The following PPP2R2C variants were observed in gnomAD, a reference collection of about 807,000 sequenced individuals.
PPP2R2C encodes the protein protein phosphatase 2 regulatory subunit Bgamma.
A neutral mutation model predicts 45.3 loss-of-function variants in PPP2R2C; 10 were observed. The ratio of observed to expected loss-of-function variants is 0.22; its 90% confidence interval spans 0.14 to 0.37. PPP2R2C has a LOEUF of 0.37. PPP2R2C is among the 10% of genes least tolerant of loss of function. PPP2R2C has a pLI of 1.00. For missense variants in PPP2R2C, 308 were observed against 619.7 expected, an observed-to-expected ratio of 0.50 and a Z score of 5.34; for synonymous variants, 257 against 245.4, an observed-to-expected ratio of 1.05 and a Z score of -0.44.
chr4:6,498,021 C>T (rs140326111), intron 2 of PPP2R2C, among the ~76,000 whole-genome samples: 84 of 152,328 alleles, frequency 5.5e-4, no homozygotes, highest in African/African-American at 1.7e-3. Context: ...GGTGCCAGTA[C>T]ATACAGTAAA....
intron 1 of PPP2R2C, chr4:6,382,358 C>T: frequency 3.8e-6 from 5 of 1,330,572 alleles, no homozygotes; most frequent in Non-Finnish European, 4.9e-6. Context: ...AAACCAGCCA[C>T]AGATCTGACC....
intron 1 of PPP2R2C, among the ~76,000 whole-genome samples, chr4:6,400,287 G>A (rs971838611): frequency 6.6e-6 from 1 of 152,010 alleles, no homozygotes; most frequent in African/African-American, 2.4e-5. Flanking sequence ...TTAAGCTAGA[G>A]ATTAAAGAGA....
intron 1 of PPP2R2C, among the ~76,000 whole-genome samples, chr4:6,545,159 C>T (rs1292781908): frequency 6.6e-6 from 1 of 152,160 alleles, no homozygotes; most frequent in Non-Finnish European, 1.5e-5. Context: ...CCTATTGCCT[C>T]CTCCAGACAT....
At chr4:6,408,822 C>A (rs1255242029) in intron 1 of PPP2R2C, among the ~76,000 whole-genome samples, 2 of 147,768 alleles carry the variant, frequency 1.4e-5, no homozygotes, top group Non-Finnish European at 3.0e-5. Flanking sequence ...CAGGGGGCTG[C>A]AGCTGGTCAG....
At chr4:6,454,335 T>C (rs894910462) in intron 1 of PPP2R2C, among the ~76,000 whole-genome samples, 2 of 152,122 alleles carry the variant, frequency 1.3e-5, no homozygotes, top group Non-Finnish European at 2.9e-5. Context: ...TGTGACTTGC[T>C]TGAACTAAAT....
At position 6,381,067 on chromosome 4, in the gene PPP2R2C, T is replaced by C. The variant is rs751114949; in HGVS notation, c.98A>G (p.Asn33Ser). ...EADIISTVEFNHTGELLATGD... is the reference protein window; with the variant it reads ...EADIISTVEFSHTGELLATGD... Reference sequence around the variant, plus strand: ...TGTGGCCAGCAGCTCTCCCGTGTGGTTGAACTCAACGGTAGAGATGATGTC... The same window carrying C: ...TGTGGCCAGCAGCTCTCCCGTGTGGCTGAACTCAACGGTAGAGATGATGTC... Residue 33 changes from asparagine (N) to serine (S), a missense_variant, in exon 2 of 9, where the codon AAC becomes AGC. Asn to Ser is a conservative substitution (Grantham distance 46). Transcript: ENST00000382599. The C allele has an allele frequency of 1.9e-6, 3 of 1,596,524 alleles. No homozygotes were observed. The highest frequency in any genetic ancestry group is 1.7e-5 in the Admixed American group (1 of 58,876).
chr4:6,390,874 C>T (rs929534627), intron 1 of PPP2R2C, among the ~76,000 whole-genome samples: 1 of 152,156 alleles, frequency 6.6e-6, no homozygotes, highest in Non-Finnish European at 1.5e-5. Flanking sequence ...GAAGAACCCC[C>T]ACATTTCATC....
At position 6,333,627 on chromosome 4, in the gene PPP2R2C, G is replaced by A; in HGVS notation, c.895C>T (p.Arg299Trp). Residue 299 changes from arginine (R) to tryptophan (W), a missense_variant, in exon 7 of 9, where the codon CGG becomes TGG. Transcript: ENST00000382599. Reference sequence around the variant, plus strand: ...CAGACCTTGACTGTAAGGTAGTCCCGGGTGAGCATGTAGCGGCCGCTGTGG... The same window carrying A: ...CAGACCTTGACTGTAAGGTAGTCCCAGGTGAGCATGTAGCGGCCGCTGTGG... ...FSHSGRYMLT[R>W]DYLTVKVWDL... 1 of 1,614,152 alleles carries A rather than the reference G, an allele frequency of 6.2e-7. No individual in the cohort carries two copies. The highest frequency in any genetic ancestry group is 8.5e-7 in the Non-Finnish European group (1 of 1,180,014).
intron 1 of PPP2R2C, among the ~76,000 whole-genome samples, chr4:6,538,591 C>A (rs1292155467): frequency 2.0e-5 from 3 of 152,128 alleles, no homozygotes; most frequent in Admixed American, 6.5e-5. Context: ...AATAACACGG[C>A]AAATGAAATT....
At chr4:6,430,210 G>A (rs565118681) in intron 1 of PPP2R2C, among the ~76,000 whole-genome samples, 1 of 152,316 alleles carries the variant, frequency 6.6e-6, no homozygotes, top group East Asian at 1.9e-4. Flanking sequence ...TTGATGGGAT[G>A]GTGCTCATAC....
chr4:6,454,590 G>C (rs1004706962), intron 1 of PPP2R2C, among the ~76,000 whole-genome samples: 1 of 152,202 alleles, frequency 6.6e-6, no homozygotes, highest in African/African-American at 2.4e-5. Flanking sequence ...GAAGACTCAT[G>C]GGTGGCCATT....
At chr4:6,446,116 G>A (rs1251359143) in intron 1 of PPP2R2C, among the ~76,000 whole-genome samples, 4 of 152,010 alleles carry the variant, frequency 2.6e-5, no homozygotes, top group Admixed American at 1.3e-4. Context: ...AGTAACAGTG[G>A]CACTTATCCT....
chr4:6,393,682 G>C (rs1206117317), intron 1 of PPP2R2C, among the ~76,000 whole-genome samples: 1 of 152,240 alleles, frequency 6.6e-6, no homozygotes, highest in Admixed American at 6.5e-5. Context: ...GGGGAGGCCA[G>C]GGGCTGTGGC....
In PPP2R2C at chr4:6,324,792, G is replaced by C. The variant is rs1731820273; in HGVS notation, c.1053-1199C>G. On this transcript the variant is annotated intron_variant, in intron 8 of 8. Coordinates refer to ENST00000382599, the MANE Select transcript of PPP2R2C (RefSeq NM_020416.4). The surrounding 1 kb of genome is among the most constrained non-coding windows in gnomAD (Gnocchi z 4.1). Reference sequence around the variant, plus strand: ...GGGTAAGTTCATCCACATAGTAAGAGGCAGGAGAGAAAGCACAGTTCTGTG... The same window carrying C: ...GGGTAAGTTCATCCACATAGTAAGACGCAGGAGAGAAAGCACAGTTCTGTG... Among the ~76,000 whole-genome samples, 1 of 152,232 alleles carries C rather than the reference G, an allele frequency of 6.6e-6. No individual in the cohort carries two copies. The highest frequency in any genetic ancestry group is 2.4e-5 in the African/African-American group (1 of 41,460).
chr4:6,381,194 A>G, intron 1 of PPP2R2C, 100 bp from the exon 2 acceptor site: 5 of 1,545,252 alleles, frequency 3.2e-6, no homozygotes, highest in Non-Finnish European at 4.4e-6. Context: ...CCGCTCCCCG[A>G]GGCCCCACAG....
intron 1 of PPP2R2C, among the ~76,000 whole-genome samples, chr4:6,425,813 C>CTGTGTG (rs147253945): frequency 1.4e-3 from 204 of 148,548 alleles, no homozygotes; most frequent in Middle Eastern, 3.4e-3. Flanking sequence ...CGATGCTTGG[C>CTGTGTG]TGTGTGTGTG....
At chr4:6,419,390 C>T (rs1718815956) in intron 1 of PPP2R2C, among the ~76,000 whole-genome samples, 1 of 151,792 alleles carries the variant, frequency 6.6e-6, no homozygotes, top group South Asian at 2.1e-4. Flanking sequence ...GGTGCCACTG[C>T]CACTGCACTC....
At chr4:6,382,655 TC>T (rs1715901217) in intron 1 of PPP2R2C, 1 of 242,156 alleles carries the variant, frequency 4.1e-6, no homozygotes, top group African/African-American at 3.3e-5. Flanking sequence ...TCTCTCTCTC[TC>T]TCTCTCTCTC....
At chr4:6,470,115 G>C (rs1403078308) in intron 1 of PPP2R2C, among the ~76,000 whole-genome samples, 5 of 152,184 alleles carry the variant, frequency 3.3e-5, no homozygotes, top group Non-Finnish European at 7.3e-5. Flanking sequence ...GAAACCTCCA[G>C]ACCCTGTAGG....
Sources: allele counts gnomAD v4.1 joint callset (sites outside exome capture counted in the v4.1 genomes callset), GRCh38; gene constraint gnomAD v4.1.1; non-coding constraint Gnocchi (gnomAD v3.1); transcripts MANE v1.5; gene names NCBI Gene and HGNC (gene_info 2026-07-23, HGNC 2026-07-21).